Variants in KCNU1 observed in about 807,000 individuals in gnomAD.
The protein encoded by KCNU1 is potassium calcium-activated channel subfamily U member 1.
In KCNU1, 93 loss-of-function variants were observed where a neutral mutation model predicts 126.8. That is an observed-to-expected ratio of 0.73 (90% CI 0.62 to 0.87). KCNU1 has a LOEUF of 0.87. KCNU1 is among the 40% of genes least tolerant of loss of function. The pLI is 0.00. For synonymous variants in KCNU1, 523 were observed against 494.2 expected (o/e 1.06, Z -0.77); for missense variants, 1,330 against 1,367.1 (o/e 0.97, Z 0.43).
rs143769143 is a variant in KCNU1 at position 36,887,966 on chromosome 8, A to G, written c.2010-17742A>G. 2.6e-5 allele frequency among the ~76,000 whole-genome samples: 4 copies of G among 152,286 alleles called. No individual in the cohort carries two copies. The East Asian group carries it at 7.7e-4, about 29-fold the overall frequency. On this transcript the variant is annotated intron_variant, in intron 19 of 26. Coordinates refer to ENST00000399881, the MANE Select transcript of KCNU1 (RefSeq NM_001031836.3). ...AAACAATAGAAGGGACGGGGGTATCATGAGGCTCATCTAATCTCCTCTCCT... is the reference window on the plus strand; with the variant it reads ...AAACAATAGAAGGGACGGGGGTATCGTGAGGCTCATCTAATCTCCTCTCCT...
chr8:36,803,879 A>T, intron 2 of KCNU1, 148 bp from the exon 3 acceptor site: 1 of 658,888 alleles, frequency 1.5e-6, no homozygotes. Context: ...TAAACAGATG[A>T]ATGAATGAAT....
intron 18 of KCNU1, among the ~76,000 whole-genome samples, chr8:36,860,232 C>A (rs1476009951): frequency 1.9e-4 from 29 of 152,116 alleles, no homozygotes. Context: ...TACCCGCCAC[C>A]ATGCCCAGCT....
intron 22 of KCNU1, among the ~76,000 whole-genome samples, chr8:36,911,823 A>C (rs1264196658): frequency 6.6e-6 from 1 of 152,176 alleles, no homozygotes; most frequent in East Asian, 1.9e-4. Flanking sequence ...ACACCTGAGG[A>C]GCTTCCACAC....
intron 16 of KCNU1, among the ~76,000 whole-genome samples, chr8:36,843,387 C>A (rs16885501): frequency 0.047 from 7,200 of 152,244 alleles, 536 homozygotes; most frequent in East Asian, 0.26. Flanking sequence ...ACATTCCCTT[C>A]TATGATTGAT....
intron 2 of KCNU1, among the ~76,000 whole-genome samples, chr8:36,799,792 C>T (rs1053070151): frequency 2.6e-5 from 4 of 151,886 alleles, no homozygotes; most frequent in South Asian, 2.1e-4. Context: ...CCTCCTGCCT[C>T]GGCCTCCCAA....
rs1028332535 is a variant in KCNU1, at chr8:36,840,585, G to A, written c.1631+10G>A. ...TTCCTGAAGTTGCCCGGTAAGTGAA[G>A]TGAAATACTTCCCTCATTCTTCAGA... On this transcript the variant is annotated intron_variant, in intron 15 of 26. Transcript: ENST00000399881. 1.4e-6 allele frequency: 2 copies of A among 1,424,236 alleles called. No homozygotes were observed. Among genetic ancestry groups the A allele is most frequent in the South Asian group, 1.2e-5 (1 of 86,352 alleles). The allele number at this position is 1,424,236 out of a possible 1,614,324, so 88.2% of individuals were successfully genotyped here.
At chr8:36,809,009 C>T (rs1803609625) in intron 7 of KCNU1, among the ~76,000 whole-genome samples, 1 of 152,060 alleles carries the variant, frequency 6.6e-6, no homozygotes, top group Non-Finnish European at 1.5e-5. Context: ...TTCCAACTTT[C>T]AAAACCTACT....
At chr8:36,814,184 C>T (rs1206875099) in intron 7 of KCNU1, 23 bp from the exon 8 acceptor site, 2 of 1,599,044 alleles carry the variant, frequency 1.3e-6, no homozygotes, top group South Asian at 1.1e-5. Context: ...CAGATGTTTC[C>T]TGAGTCTTCT....
intron 8 of KCNU1, 124 bp from the exon 9 acceptor site, chr8:36,815,472 C>A (rs755977340): frequency 3.8e-6 from 2 of 523,424 alleles, no homozygotes; most frequent in African/African-American, 2.0e-5. Flanking sequence ...CTTTAACATG[C>A]TATCATGTGC....
At chr8:36,799,886 G>A (rs1016990233) in intron 2 of KCNU1, among the ~76,000 whole-genome samples, 3 of 151,968 alleles carry the variant, frequency 2.0e-5, no homozygotes, top group Admixed American at 2.0e-4. Context: ...TTGCTTGGTG[G>A]TTTTGGAGAA....
intron 10 of KCNU1, among the ~76,000 whole-genome samples, chr8:36,818,888 A>C (rs1804023604): frequency 6.6e-6 from 1 of 152,214 alleles, no homozygotes; most frequent in Non-Finnish European, 1.5e-5. Context: ...CAGTGTGTCC[A>C]TCTTTCTAGC....
At chr8:36,806,478 G>A (rs189810442) in intron 5 of KCNU1, 98 bp downstream of exon 5, 27 of 669,842 alleles carry the variant, frequency 4.0e-5, no homozygotes, top group African/African-American at 2.8e-4. Context: ...CTTAATGCCT[G>A]ACTGTCATTT....
intron 16 of KCNU1, among the ~76,000 whole-genome samples, chr8:36,841,556 G>T (rs1804958356): frequency 1.3e-5 from 2 of 152,074 alleles, no homozygotes; most frequent in African/African-American, 4.8e-5. Flanking sequence ...GCAGGACATT[G>T]TCGTGCACCT....
intron 19 of KCNU1, among the ~76,000 whole-genome samples, chr8:36,904,024 G>T (rs1180797805): frequency 6.6e-6 from 1 of 152,016 alleles, no homozygotes; most frequent in East Asian, 1.9e-4. Flanking sequence ...ATGAGATTTG[G>T]GTGGGGACAC....
chr8:36,891,503 GATA>G (rs1806962013), intron 19 of KCNU1, among the ~76,000 whole-genome samples: 1 of 152,000 alleles, frequency 6.6e-6, no homozygotes, highest in Non-Finnish European at 1.5e-5. Flanking sequence ...TGCATAGAGA[GATA>G]ATACTATCTT....
chr8:36,830,892 A>T (rs1804518249), intron 10 of KCNU1, among the ~76,000 whole-genome samples: 1 of 144,236 alleles, frequency 6.9e-6, no homozygotes, highest in Non-Finnish European at 1.5e-5. Flanking sequence ...ATATCTCCCG[A>T]TGCTATCCCT....
At chr8:36,842,355 C>G (rs1804988416) in intron 16 of KCNU1, among the ~76,000 whole-genome samples, 1 of 152,180 alleles carries the variant, frequency 6.6e-6, no homozygotes, top group Admixed American at 6.5e-5. Context: ...ATATAGAAAG[C>G]ATCTGGGTAG....
At chr8:36,837,261 T>G (rs1336551973) in intron 14 of KCNU1, among the ~76,000 whole-genome samples, 1 of 152,080 alleles carries the variant, frequency 6.6e-6, no homozygotes, top group Non-Finnish European at 1.5e-5. Context: ...CATTGAGTTA[T>G]CGAAAGTGAA....
At chr8:36,904,013 G>A (rs2117500976) in intron 19 of KCNU1, among the ~76,000 whole-genome samples, 1 of 152,248 alleles carries the variant, frequency 6.6e-6, no homozygotes, top group African/African-American at 2.4e-5. Context: ...TACCGTTCAA[G>A]ATGAGATTTG....
Sources: allele counts gnomAD v4.1 joint callset (sites outside exome capture counted in the v4.1 genomes callset), GRCh38; gene constraint gnomAD v4.1.1; transcripts MANE v1.5; gene names NCBI Gene and HGNC (gene_info 2026-07-23, HGNC 2026-07-21).